SOX6: variants seen among roughly 807,000 people sequenced by gnomAD.
SOX6 encodes the protein transcription factor SOX-6.
In SOX6, 11 loss-of-function variants were observed where a neutral mutation model predicts 97.8. That is an observed-to-expected ratio of 0.11 (90% CI 0.07 to 0.19). SOX6 has a LOEUF of 0.19. SOX6 is among the 10% of genes least tolerant of loss of function. The pLI is 1.00. For missense variants in SOX6, 810 were observed against 1,039.5 expected (o/e 0.78, Z 3.04); for synonymous variants, 360 against 371.4 (o/e 0.97, Z 0.35).
intron 13 of SOX6, among the ~76,000 whole-genome samples, chr11:16,011,391 T>C (rs1013173225): frequency 6.6e-6 from 1 of 152,128 alleles, no homozygotes; most frequent in African/African-American, 2.4e-5. Flanking sequence ...ATAAATATCA[T>C]GGTGAACAAG....
intron 9 of SOX6, among the ~76,000 whole-genome samples, chr11:16,084,021 A>G (rs1420354812): frequency 6.6e-6 from 1 of 152,106 alleles, no homozygotes; most frequent in Admixed American, 6.6e-5. Flanking sequence ...TTGTTTCATG[A>G]TTAGTGGGAA....
At chr11:16,112,942 T>C (rs1273723579) in intron 6 of SOX6, among the ~76,000 whole-genome samples, 1 of 152,176 alleles carries the variant, frequency 6.6e-6, no homozygotes, top group African/African-American at 2.4e-5. Flanking sequence ...TCAAACAGGG[T>C]ATTTAGCCTT....
At chr11:16,195,968 C>T (rs1851762845) in intron 4 of SOX6, among the ~76,000 whole-genome samples, 1 of 152,098 alleles carries the variant, frequency 6.6e-6, no homozygotes, top group Non-Finnish European at 1.5e-5. Context: ...GAGAAACCTC[C>T]CAGATACAAC....
intron 1 of SOX6, 29 bp from the exon 2 acceptor site, chr11:16,341,281 A>G (rs1856625741): frequency 6.2e-7 from 1 of 1,610,306 alleles, no homozygotes; most frequent in Non-Finnish European, 8.5e-7. Flanking sequence ...ACGGATTAAA[A>G]ATGGCTGTCA....
At chr11:16,581,932 A>C (rs1425490879) in intron 4 of SOX6, among the ~76,000 whole-genome samples, 2 of 150,130 alleles carry the variant, frequency 1.3e-5, no homozygotes, top group African/African-American at 4.9e-5. Flanking sequence ...CTGCACTCCA[A>C]CCTGGGCGAC....
chr11:16,733,754 C>T (rs547965994), intron 2 of SOX6, among the ~76,000 whole-genome samples: 39 of 147,536 alleles, frequency 2.6e-4, no homozygotes, highest in African/African-American at 9.2e-4. Flanking sequence ...GGGCCAGGCA[C>T]GGTGGCTCAC....
chr11:16,049,867 C>T lies in SOX6; in HGVS notation c.1323G>A (p.Thr441=). 7 of 1,613,620 alleles carry T rather than the reference C, an allele frequency of 4.3e-6. No individual in the cohort carries two copies. Among genetic ancestry groups the T allele is most frequent in the Non-Finnish European group, 4.2e-6 (5 of 1,179,768 alleles). The change falls in exon 11 of 16, where the codon ACG becomes ACA. Residue 441 remains threonine, a synonymous_variant. Transcript: ENST00000683767. ...CTGGGAAGAGGTTCTGGGTGGGAGA[C>T]GTTGGGGACTTTACAGGCTCTGCTG... ...PKTAEPVKSP[T]SPTQNLFPAS...
chr11:15,981,555 G>A (rs998213747), intron 15 of SOX6, among the ~76,000 whole-genome samples: 1 of 152,054 alleles, frequency 6.6e-6, no homozygotes, highest in Admixed American at 6.6e-5. Context: ...TATCTCTGTA[G>A]CTGATACTGC....
chr11:16,241,685 A>AT (rs1232017706), intron 3 of SOX6, among the ~76,000 whole-genome samples: 23 of 152,056 alleles, frequency 1.5e-4, no homozygotes, highest in Admixed American at 7.9e-4. Context: ...ACAAAGACAA[A>AT]TTCAATCCAA....
intron 4 of SOX6, among the ~76,000 whole-genome samples, chr11:16,582,857 T>G (rs1171782497): frequency 6.6e-6 from 1 of 152,098 alleles, no homozygotes; most frequent in African/African-American, 2.4e-5. Context: ...TAGGTAAGAT[T>G]TTTTAACCCT....
At chr11:16,548,024 A>G (rs1847640962) in intron 4 of SOX6, among the ~76,000 whole-genome samples, 1 of 152,188 alleles carries the variant, frequency 6.6e-6, no homozygotes, top group Non-Finnish European at 1.5e-5. Context: ...AAGCAGCCGC[A>G]TGGGGAAAAA....
intron 3 of SOX6, among the ~76,000 whole-genome samples, chr11:16,283,089 G>GTA (rs10581083): frequency 0.013 from 1,526 of 113,666 alleles, 60 homozygotes; most frequent in African/African-American, 0.035. Context: ...TATATAATTT[G>GTA]TATATATATA....
At chr11:16,479,545 A>G (rs993699101), upstream of SOX6, among the ~76,000 whole-genome samples, 3 of 151,806 alleles carry the variant, frequency 2.0e-5, no homozygotes, top group African/African-American at 7.2e-5. Flanking sequence ...AAAAAAAAAA[A>G]GAACAAGGGA....
At position 16,132,436 on chromosome 11, in the gene SOX6, AGAAAGAAAAAAGAAAG is replaced by A. The variant is rs1564972582; in HGVS notation, c.778-20529_778-20514del. On this transcript the variant is annotated intron_variant, in intron 6 of 15. Coordinates refer to ENST00000683767, the MANE Select transcript of SOX6 (RefSeq NM_001367873.1). The stretch of plus-strand genomic sequence containing the variant: ...AAGAAAGAAAGAAAGAAAGAAAGAA[AGAAAGAAAAAAGAAAG>A]AAAGAAAGAAAGAAAGAAAGAAAGA... Among the ~76,000 whole-genome samples the A allele has an allele frequency of 2.4e-3, 201 of 84,708 alleles. 10 individuals carry two copies. Among genetic ancestry groups the A allele is most frequent in the Non-Finnish European group, 2.6e-3 (115 of 44,422 alleles). 55.6% of individuals were successfully genotyped at this position (84,708 alleles called of 152,430 possible). A position where few individuals can be genotyped will look rare whatever the true frequency, so the allele number is the denominator to read the frequency against.
intron 11 of SOX6, among the ~76,000 whole-genome samples, 199 bp from the exon 12 acceptor site, chr11:16,046,900 G>A (rs1388151473): frequency 6.6e-6 from 1 of 152,110 alleles, no homozygotes; most frequent in Non-Finnish European, 1.5e-5. Flanking sequence ...TTAGCCCTTG[G>A]AGAAAACCCC....
intron 3 of SOX6, among the ~76,000 whole-genome samples, chr11:16,632,661 G>C (rs1238122370): frequency 2.0e-5 from 3 of 152,216 alleles, no homozygotes; most frequent in Non-Finnish European, 2.9e-5. Context: ...TCGAATAGGT[G>C]AGCACCAAGC....
At chr11:16,321,311 G>C (rs1008216716) in intron 2 of SOX6, among the ~76,000 whole-genome samples, 3 of 145,960 alleles carry the variant, frequency 2.1e-5, no homozygotes, top group Admixed American at 1.4e-4. Flanking sequence ...TGAAGAACAA[G>C]TCAAAACAGT....
intron 6 of SOX6, among the ~76,000 whole-genome samples, chr11:16,158,860 T>A (rs1253383544): frequency 1.4e-5 from 2 of 147,608 alleles, no homozygotes; most frequent in Admixed American, 1.4e-4. Flanking sequence ...GTGCTTGAAG[T>A]TACAGGTGTG....
intron 4 of SOX6, among the ~76,000 whole-genome samples, chr11:16,609,683 T>A (rs1325448966): frequency 6.6e-6 from 1 of 152,228 alleles, no homozygotes. Context: ...TTTTAAAATA[T>A]ACTCCATGTT....
Sources: allele counts gnomAD v4.1 joint callset (sites outside exome capture counted in the v4.1 genomes callset), GRCh38; gene constraint gnomAD v4.1.1; transcripts MANE v1.5; gene names NCBI Gene and HGNC (gene_info 2026-07-23, HGNC 2026-07-21).